The following PLXND1 variants were observed in gnomAD, a reference collection of about 807,000 sequenced individuals.
PLXND1 encodes the protein plexin D1, also known as plexin-D1.
A neutral mutation model predicts 197.7 loss-of-function variants in PLXND1; 54 were observed. The observed-to-expected ratio is 0.27, with a 90% CI of 0.22 to 0.34. PLXND1 has a LOEUF of 0.34. Ranked by LOEUF, PLXND1 falls within the 10% of genes least tolerant of loss-of-function variation. The probability of loss-of-function intolerance (pLI) is 1.00; values close to 1 mark genes in which losing one functional copy is unlikely to be tolerated. For synonymous variants in PLXND1, 1,180 were observed against 1,161.2 expected (o/e 1.02, Z -0.33); for missense variants, 2,127 against 2,699.2 (o/e 0.79, Z 4.70).
intron 1 of PLXND1, among the ~76,000 whole-genome samples, chr3:129,589,976 C>T (rs976931909): frequency 4.6e-5 from 7 of 152,154 alleles, no homozygotes; most frequent in Non-Finnish European, 8.8e-5. Flanking sequence ...CCTCTTGCCT[C>T]GGCTGTTTTC....
In PLXND1 at chr3:129,557,986, A is replaced by G. The variant is rs987205019; in HGVS notation, c.5445+442T>C. ...GCCCCCAACACACCGCATGAATCTC[A>G]GAGCTCCTAGCCACCCATCACCCCT... On this transcript the variant is annotated intron_variant, in intron 33 of 35. Transcript: ENST00000324093. The surrounding 1 kb of genome is among the most constrained non-coding windows in gnomAD (Gnocchi z 4.8). Among the ~76,000 whole-genome samples the G allele has an allele frequency of 6.6e-6, 1 of 152,190 alleles. No homozygotes were observed. The highest frequency in any genetic ancestry group is 1.5e-5 in the Non-Finnish European group (1 of 68,028).
intron 29 of PLXND1, 87 bp from the exon 30 acceptor site, chr3:129,560,810 A>C (rs1457990299): frequency 1.2e-6 from 1 of 839,240 alleles, no homozygotes; most frequent in African/African-American, 1.7e-5. Context: ...TGAGAAACAG[A>C]AACAAGACAG....
At chr3:129,569,597 T>G in intron 20 of PLXND1, 7 of 484,286 alleles carry the variant, frequency 1.4e-5, no homozygotes, top group Non-Finnish European at 1.5e-5. Context: ...TTTCTCTGCT[T>G]GAGATTCAGG....
Position 129,557,336 on chromosome 3 carries a change from C to G in PLXND1, c.5446-113G>C. On this transcript the variant is annotated intron_variant, in intron 33 of 35. Transcript: ENST00000324093. The surrounding 1 kb of genome is among the most constrained non-coding windows in gnomAD (Gnocchi z 4.8). ...CACATAAGTGACCTTAGCAGGCCCCCGAGGCCCAAAGAGTCTCACCCGGTC... is the reference window on the plus strand; with the variant it reads ...CACATAAGTGACCTTAGCAGGCCCCGGAGGCCCAAAGAGTCTCACCCGGTC... The G allele has an allele frequency of 8.2e-7, 1 of 1,226,084 alleles. No individual in the cohort carries two copies. Among genetic ancestry groups the G allele is most frequent in the Non-Finnish European group, 1.2e-6 (1 of 863,986 alleles). 76.0% of individuals were successfully genotyped at this position (1,226,084 alleles called of 1,614,324 possible). A position where few individuals can be genotyped will look rare whatever the true frequency, so the allele number is the denominator to read the frequency against.
intron 1 of PLXND1, among the ~76,000 whole-genome samples, chr3:129,598,711 C>T (rs1017348300): frequency 1.3e-5 from 2 of 152,108 alleles, no homozygotes; most frequent in African/African-American, 4.8e-5. Context: ...GCCCATTCAC[C>T]CCTTCCGACA....
chr3:129,596,229 C>T (rs1038652175), intron 1 of PLXND1, among the ~76,000 whole-genome samples: 1 of 152,142 alleles, frequency 6.6e-6, no homozygotes, highest in African/African-American at 2.4e-5. Flanking sequence ...GGACAAGCCA[C>T]TCCACCGCTT....
At chr3:129,581,864 C>A (rs2625996) in intron 8 of PLXND1, among the ~76,000 whole-genome samples, 40,429 of 152,194 alleles carry the variant, frequency 0.27, 5,719 homozygotes, top group East Asian at 0.49. Context: ...CCTAGGTTAG[C>A]GCACAAGAAG....
At chr3:129,590,642 A>G (rs1477757718) in intron 1 of PLXND1, among the ~76,000 whole-genome samples, 2 of 152,262 alleles carry the variant, frequency 1.3e-5, no homozygotes, top group Non-Finnish European at 2.9e-5. Context: ...GTGCATAAAC[A>G]ATAAATAGTC....
chr3:129,595,948 C>CACACACACACACACACACA (rs1553793024), intron 1 of PLXND1, among the ~76,000 whole-genome samples: 2 of 149,872 alleles, frequency 1.3e-5, no homozygotes, highest in African/African-American at 2.5e-5. Context: ...CACACACACA[C>CACACACACACACACACACA]TCTTGCTGCG....
Position 129,578,336 on chromosome 3 carries a change from A to G in PLXND1, c.2339T>C (p.Phe780Ser). ...NILVPLANTA[F>S]FQGAALECSF... ...GGCCTGGCTTCTACTTACCTGGAAA[A>G]AGGCAGTGTTGGCCAGAGGCACCAG... is the stretch of plus-strand genomic sequence containing the variant. The change falls in exon 9 of 36, where the codon TTT becomes TCT. Residue 780 changes from phenylalanine to serine, a missense_variant. Phe to Ser is a radical substitution (Grantham distance 155, BLOSUM62 -2). Around this residue, in one of 6 missense-constraint regions of PLXND1, gnomAD observed 1,095 missense variants for 1,259.8 expected, o/e 0.87. Coordinates refer to ENST00000324093, the MANE Select transcript of PLXND1 (RefSeq NM_015103.3). 6.3e-7 allele frequency: 1 copy of G among 1,599,542 alleles called. No individual in the cohort carries two copies. Among genetic ancestry groups the G allele is most frequent in the Non-Finnish European group, 8.5e-7 (1 of 1,172,864 alleles).
Position 129,555,447 on chromosome 3 carries a change from G to A in PLXND1, c.*865C>T, listed in dbSNP as rs1191259192. On this transcript the variant is annotated 3_prime_UTR_variant, in exon 36 of 36. Coordinates refer to ENST00000324093, the MANE Select transcript of PLXND1 (RefSeq NM_015103.3). ...GCTCTCTGGAACAGTCATTTCCAGT[G>A]TTGCATGGGGAGCCTCTCGGGACCC... is the stretch of plus-strand genomic sequence containing the variant. 3.0e-6 allele frequency: 2 copies of A among 673,184 alleles called. No homozygotes were observed. The highest frequency in any genetic ancestry group is 5.3e-6 in the Non-Finnish European group (2 of 377,542). The allele number at this position is 673,184 out of a possible 1,614,324, so 41.7% of individuals were successfully genotyped here.
intron 24 of PLXND1, among the ~76,000 whole-genome samples, 170 bp downstream of exon 24, chr3:129,565,717 C>A (rs1004848088): frequency 3.3e-5 from 5 of 152,172 alleles, no homozygotes; most frequent in African/African-American, 1.2e-4. Context: ...TCTTCTACGT[C>A]CACAGCAACC....
rs1042304855 is a variant in PLXND1, at chr3:129,577,285, G to A, written c.2346+1044C>T. Among the ~76,000 whole-genome samples the A allele has an allele frequency of 1.3e-5, 2 of 152,152 alleles. No homozygotes were observed. Among genetic ancestry groups the A allele is most frequent in the Non-Finnish European group, 2.9e-5 (2 of 68,010 alleles). ...GGGGAGCAGGAGGGCAGGCGCCCCT[G>A]CAGCTCGGTCAGAGTGGAGGCTGCC... On this transcript the variant is annotated intron_variant, in intron 9 of 35. Transcript: ENST00000324093. The surrounding 1 kb of genome is among the most constrained non-coding windows in gnomAD (Gnocchi z 5.0).
At chr3:129,578,628 A>G (rs1433810755) in intron 8 of PLXND1, 195 bp from the exon 9 acceptor site, 14 of 575,484 alleles carry the variant, frequency 2.4e-5, no homozygotes, top group Non-Finnish European at 4.0e-5. Flanking sequence ...GGCAGGTCGC[A>G]TTGGCCCTGT....
At chr3:129,602,457 C>T (rs2085723629) in intron 1 of PLXND1, among the ~76,000 whole-genome samples, 1 of 152,250 alleles carries the variant, frequency 6.6e-6, no homozygotes, top group South Asian at 2.1e-4. Flanking sequence ...TGGGCTCCCT[C>T]CACCCTCATT....
Position 129,567,611 on chromosome 3 carries a change from G to A in PLXND1, c.3974-7C>T. On this transcript the variant is annotated splice_polypyrimidine_tract_variant and splice_region_variant and intron_variant, in intron 21 of 35. Transcript: ENST00000324093. The stretch of plus-strand genomic sequence containing the variant: ...GTCTGCAGCTCAGCGAAGCCTGGCG[G>A]ACACACGGACAGCCGTGAGCGGCCC... 1.9e-6 allele frequency: 3 copies of A among 1,604,456 alleles called. No individual in the cohort carries two copies. The highest frequency in any genetic ancestry group is 2.6e-6 in the Non-Finnish European group (3 of 1,172,034).
intron 25 of PLXND1, among the ~76,000 whole-genome samples, chr3:129,564,097 G>A (rs1263242356): frequency 6.6e-6 from 1 of 152,196 alleles, no homozygotes; most frequent in Admixed American, 6.5e-5. Flanking sequence ...GGCCCTTGTG[G>A]TTCCTGATGG....
intron 27 of PLXND1, 132 bp from the exon 28 acceptor site, chr3:129,562,035 G>A: frequency 1.5e-6 from 1 of 661,592 alleles, no homozygotes; most frequent in East Asian, 2.6e-5. Flanking sequence ...ACCTCTCTCT[G>A]AGCCTCCATT....
In PLXND1 at chr3:129,584,455, G is replaced by A. The variant is rs1049878047; in HGVS notation, c.1959C>T (p.Ala653=). ...IRTVARVPGP[A]FGHQIAYCNL... ...TGCAGTAGGCAATCTGGTGACCAAA[G>A]GCAGGGCCTGGGACCCGAGCCACAG... is the stretch of plus-strand genomic sequence containing the variant. The change falls in exon 6 of 36, where the codon GCC becomes GCT. Residue 653 remains alanine, a synonymous_variant. Transcript: ENST00000324093. The A allele has an allele frequency of 1.1e-5, 17 of 1,613,734 alleles. No individual in the cohort carries two copies. Among genetic ancestry groups the A allele is most frequent in the Non-Finnish European group, 1.4e-5 (16 of 1,179,992 alleles).
Sources: gnomAD v4.1 joint callset for allele counts (sites outside exome capture counted in the v4.1 genomes callset) on GRCh38, gnomAD v4.1.1 for gene constraint, gnomAD v4.1.1 regional missense constraint, Gnocchi (gnomAD v3.1) non-coding constraint, MANE v1.5 for transcripts, NCBI Gene and HGNC (gene_info 2026-07-23, HGNC 2026-07-21) for gene names.